BIN3: variants seen among roughly 807,000 people sequenced by gnomAD.
The protein encoded by BIN3 is bridging integrator 3.
A neutral mutation model predicts 38.2 loss-of-function variants in BIN3; 41 were observed. The observed-to-expected ratio is 1.07, with a 90% CI of 0.84 to 1.39. The LOEUF (loss-of-function observed/expected upper bound fraction) is 1.39. Among genes scored for constraint, BIN3 ranks in the 40% most tolerant of loss-of-function variants. The pLI is 0.00. For missense variants in BIN3, 361 were observed against 324.3 expected, an observed-to-expected ratio of 1.11 and a Z score of -0.87; for synonymous variants, 145 against 122.6, an observed-to-expected ratio of 1.18 and a Z score of -1.21.
At chr8:22,625,302 T>C (rs1303926332) in intron 6 of BIN3, 1 of 702,260 alleles carries the variant, frequency 1.4e-6, no homozygotes, top group Admixed American at 2.0e-5. Flanking sequence ...AGGGGGCGTC[T>C]ACCAGGCAAG....
At chr8:22,635,061 T>C (rs913176459) in intron 4 of BIN3, among the ~76,000 whole-genome samples, 10 of 152,178 alleles carry the variant, frequency 6.6e-5, no homozygotes, top group Non-Finnish European at 1.3e-4. Flanking sequence ...CTGCCTCTCC[T>C]GCATCTCTGG....
At chr8:22,633,541 CTCT>C (rs1249464574) in intron 4 of BIN3, among the ~76,000 whole-genome samples, 1 of 152,240 alleles carries the variant, frequency 6.6e-6, no homozygotes, top group African/African-American at 2.4e-5. Context: ...CACCAGAGCA[CTCT>C]GAAAGTAGTA....
chr8:22,636,788 C>T (rs1315164111), intron 3 of BIN3, 134 bp downstream of exon 3: 2 of 1,109,934 alleles, frequency 1.8e-6, no homozygotes, highest in African/African-American at 3.1e-5. Flanking sequence ...ACAGTTCCAG[C>T]AGCCTGGTGA....
At chr8:22,629,822 G>C (rs1020024724) in intron 6 of BIN3, 142 bp downstream of exon 6, 4 of 822,574 alleles carry the variant, frequency 4.9e-6, no homozygotes, top group Non-Finnish European at 8.0e-6. Flanking sequence ...ACAGGTCACA[G>C]AGCTGACGTC....
At chr8:22,636,455 G>T in intron 4 of BIN3, 70 bp downstream of exon 4, 1 of 1,481,962 alleles carries the variant, frequency 6.7e-7, no homozygotes, top group South Asian at 1.2e-5. Flanking sequence ...CCCTTGGGGG[G>T]CTGAGAGAGG....
chr8:22,630,659 G>T, intron 4 of BIN3, 81 bp from the exon 5 acceptor site: 1 of 1,535,472 alleles, frequency 6.5e-7, no homozygotes, highest in Non-Finnish European at 8.9e-7. Flanking sequence ...GTCCTCCTAT[G>T]CCAGGGGCCT....
intron 1 of BIN3, among the ~76,000 whole-genome samples, chr8:22,659,468 C>G (rs1803162034): frequency 6.6e-6 from 1 of 152,230 alleles, no homozygotes; most frequent in South Asian, 2.1e-4. Flanking sequence ...CCCCACCGCT[C>G]CACAGGCTGA....
intron 1 of BIN3, among the ~76,000 whole-genome samples, chr8:22,659,859 C>A (rs1327133724): frequency 6.6e-6 from 1 of 152,162 alleles, no homozygotes; most frequent in Admixed American, 6.5e-5. Flanking sequence ...TAAAACAGAT[C>A]TTGACACACA....
intron 1 of BIN3, among the ~76,000 whole-genome samples, chr8:22,648,444 T>TAAG (rs56715924): frequency 1 from 151,576 of 152,210 alleles, 75,472 homozygotes; most frequent in Middle Eastern, 1. Context: ...ATGCCAGTTT[T>TAAG]AAGTGCTGGT....
At position 22,621,391 on chromosome 8, in the gene BIN3, G is replaced by GT. The variant is rs763306549; in HGVS notation, c.*30dup. The GT allele has an allele frequency of 1.2e-6, 2 of 1,601,322 alleles. No homozygotes were observed. Among genetic ancestry groups the GT allele is most frequent in the Admixed American group, 1.7e-5 (1 of 57,856 alleles). On this transcript the variant is annotated 3_prime_UTR_variant, in exon 9 of 9. Transcript: ENST00000276416. The stretch of plus-strand genomic sequence containing the variant: ...GGCAAGGATGAATGAGGCTGACCAC[G>GT]TCACAGGAGTCCTCCAAGAGTGACG...
chr8:22,649,433 C>A (rs999004284), intron 1 of BIN3, among the ~76,000 whole-genome samples: 12 of 129,510 alleles, frequency 9.3e-5, no homozygotes, highest in African/African-American at 3.2e-4. Context: ...AAAACGTGCT[C>A]ATTGCAGAAC....
chr8:22,657,309 T>C (rs925821452), intron 1 of BIN3, among the ~76,000 whole-genome samples: 1 of 152,154 alleles, frequency 6.6e-6, no homozygotes. Context: ...CAAAGAAAGG[T>C]AGTATCATTG....
chr8:22,624,559 TC>T, intron 6 of BIN3, 196 bp from the exon 7 acceptor site: 1 of 636,906 alleles, frequency 1.6e-6, no homozygotes, highest in Non-Finnish European at 2.7e-6. Context: ...CTTGGGGAGT[TC>T]ACTGTGAACA....
chr8:22,621,118 T>C lies in BIN3; in HGVS notation c.*304A>G, dbSNP rs951204540. 9.7e-5 allele frequency: 32 copies of C among 330,240 alleles called. No individual in the cohort carries two copies. Among genetic ancestry groups the C allele is most frequent in the Non-Finnish European group, 1.7e-4 (30 of 179,182 alleles). The allele number at this position is 330,240 out of a possible 1,614,324, so 20.5% of individuals were successfully genotyped here. On this transcript the variant is annotated 3_prime_UTR_variant, in exon 9 of 9. Coordinates refer to ENST00000276416, the MANE Select transcript of BIN3 (RefSeq NM_018688.6). ...CCCCCAACTTAGCCAACGAAGCCCA[T>C]GGCCTCAGAAGGGCTGCAGCTTGCT...
At chr8:22,656,523 T>C (rs1803062021) in intron 1 of BIN3, among the ~76,000 whole-genome samples, 1 of 152,166 alleles carries the variant, frequency 6.6e-6, no homozygotes, top group Non-Finnish European at 1.5e-5. Flanking sequence ...GGTATGAAAA[T>C]ATGATAAAAT....
Position 22,630,544 on chromosome 8 carries a change from G to C in BIN3, c.195C>G (p.Asp65Glu). 1.2e-6 allele frequency: 2 copies of C among 1,614,032 alleles called. No individual in the cohort carries two copies. The highest frequency in any genetic ancestry group is 1.7e-5 in the Admixed American group (1 of 60,030). ...MSKSAVKISL[D>E]LLSNPLCEQD... ...GCTCACAGAGGGGATTGGAGAGTAA[G>C]TCCAAGGATATCTTCACGGCAGATT... The change falls in exon 5 of 9, where the codon GAC becomes GAG. Residue 65 changes from aspartate (D) to glutamate (E), a missense_variant. Coordinates refer to ENST00000276416, the MANE Select transcript of BIN3 (RefSeq NM_018688.6).
intron 4 of BIN3, chr8:22,634,552 A>T: frequency 2.2e-6 from 1 of 446,628 alleles, no homozygotes; most frequent in East Asian, 7.3e-5. Flanking sequence ...ACAAATTCAA[A>T]TCACTGCCTC....
intron 1 of BIN3, among the ~76,000 whole-genome samples, chr8:22,665,601 G>A (rs1803390717): frequency 6.6e-6 from 1 of 152,188 alleles, no homozygotes; most frequent in African/African-American, 2.4e-5. Flanking sequence ...CAGGGTGTGA[G>A]TGAAGGGGAA....
intron 1 of BIN3, among the ~76,000 whole-genome samples, chr8:22,660,423 T>G (rs1803196028): frequency 6.6e-6 from 1 of 152,256 alleles, no homozygotes; most frequent in Admixed American, 6.5e-5. Flanking sequence ...GTTTAGCTTC[T>G]GAGGTACCAT....
Sources: allele counts gnomAD v4.1 joint callset (sites outside exome capture counted in the v4.1 genomes callset), GRCh38; gene constraint gnomAD v4.1.1; transcripts MANE v1.5; gene names NCBI Gene and HGNC (gene_info 2026-07-23, HGNC 2026-07-21).